DDX10: variants seen among roughly 807,000 people sequenced by gnomAD.
DDX10 encodes DEAD-box helicase 10.
Under a neutral mutation model 104.3 loss-of-function variants are expected in DDX10, and 74 were observed. That is an observed-to-expected ratio of 0.71 (90% confidence interval 0.59 to 0.86). DDX10 has a LOEUF of 0.86. Ranked by LOEUF, DDX10 falls within the 40% of genes least tolerant of loss-of-function variation. The pLI is 0.00. For synonymous variants in DDX10, 351 were observed against 353.4 expected (o/e 0.99, Z 0.08); for missense variants, 952 against 1,040.0 (o/e 0.92, Z 1.16).
intron 13 of DDX10, among the ~76,000 whole-genome samples, chr11:108,814,071 T>A (rs1264581703): frequency 1.3e-5 from 2 of 152,194 alleles, no homozygotes; most frequent in Non-Finnish European, 2.9e-5. Flanking sequence ...GTTTATTTTA[T>A]TCTGGAATTT....
intron 13 of DDX10, among the ~76,000 whole-genome samples, chr11:108,808,801 G>T (rs1862136974): frequency 6.6e-6 from 1 of 152,124 alleles, no homozygotes; most frequent in Non-Finnish European, 1.5e-5. Context: ...AATGTGAAAA[G>T]TGAAAATCTG....
intron 13 of DDX10, among the ~76,000 whole-genome samples, chr11:108,799,365 G>A (rs1261990219): frequency 1.3e-5 from 2 of 152,116 alleles, no homozygotes; most frequent in African/African-American, 4.8e-5. Flanking sequence ...TTTATATTTT[G>A]GCCTTGTCCT....
rs556804230 is a variant in DDX10 at position 108,815,477 on chromosome 11, C to T, written c.1966-22969C>T. ...CTGTATACACAGGTTTTATATCCTG[C>T]AGATTCCGTATGATTTGGTTTGAAA... On this transcript the variant is annotated intron_variant, in intron 13 of 17. Coordinates refer to ENST00000322536, the MANE Select transcript of DDX10 (RefSeq NM_004398.4). Among the ~76,000 whole-genome samples the T allele has an allele frequency of 3.9e-5, 6 of 152,262 alleles. No homozygotes were observed. In the East Asian group the frequency reaches 1.2e-3, roughly 29 times the overall value.
At chr11:108,821,710 G>T (rs981929945) in intron 13 of DDX10, among the ~76,000 whole-genome samples, 1 of 152,040 alleles carries the variant, frequency 6.6e-6, no homozygotes, top group Non-Finnish European at 1.5e-5. Context: ...TTTTATGAAC[G>T]TAAGAAAGCG....
intron 15 of DDX10, among the ~76,000 whole-genome samples, chr11:108,848,906 C>T (rs1397260565): frequency 6.6e-6 from 1 of 152,060 alleles, no homozygotes; most frequent in East Asian, 1.9e-4. Context: ...ATCTCTTTTG[C>T]CCATTATATG....
chr11:108,672,060 CG>C (rs1555012807), intron 1 of DDX10, among the ~76,000 whole-genome samples: 1 of 76,952 alleles, frequency 1.3e-5, no homozygotes, highest in African/African-American at 4.6e-5. Context: ...GACTCCATCT[CG>C]GAAAAAAAAA....
At chr11:108,824,301 G>A (rs529585424) in intron 13 of DDX10, among the ~76,000 whole-genome samples, 32 of 152,246 alleles carry the variant, frequency 2.1e-4, no homozygotes, top group African/African-American at 6.5e-4. Flanking sequence ...CCTTGGCCTC[G>A]CAAAGTGGCA....
At chr11:108,784,613 A>G (rs532465087) in intron 13 of DDX10, among the ~76,000 whole-genome samples, 3 of 152,234 alleles carry the variant, frequency 2.0e-5, no homozygotes, top group Admixed American at 1.3e-4. Flanking sequence ...TGTCAAAATA[A>G]TTGCAAATAT....
chr11:108,773,991 T>A (rs377218269), intron 13 of DDX10, among the ~76,000 whole-genome samples: 2 of 152,170 alleles, frequency 1.3e-5, no homozygotes, highest in South Asian at 2.1e-4. Flanking sequence ...TGTCATAGCT[T>A]CAAGGCTGCA....
intron 6 of DDX10, among the ~76,000 whole-genome samples, chr11:108,684,749 A>T (rs534963471): frequency 1.4e-4 from 21 of 147,540 alleles, no homozygotes; most frequent in South Asian, 4.5e-4. Flanking sequence ...TGGTATTTCT[A>T]GTTCTAGATC....
At chr11:108,675,822 G>A in intron 3 of DDX10, 96 bp downstream of exon 3, 3 of 1,442,618 alleles carry the variant, frequency 2.1e-6, no homozygotes, top group Non-Finnish European at 2.8e-6. Context: ...TTTCATGTTA[G>A]ATTTCATGAT....
chr11:108,822,446 A>C (rs1862338103), intron 13 of DDX10: 1 of 372,912 alleles, frequency 2.7e-6, no homozygotes, highest in South Asian at 2.3e-5. Flanking sequence ...GGAGTCTCCA[A>C]ATAGTGCATC....
At chr11:108,816,342 G>A (rs1263755305) in intron 13 of DDX10, among the ~76,000 whole-genome samples, 1 of 152,044 alleles carries the variant, frequency 6.6e-6, no homozygotes, top group Non-Finnish European at 1.5e-5. Flanking sequence ...CTTTTAACTA[G>A]TTGTTTAATA....
intron 16 of DDX10, among the ~76,000 whole-genome samples, chr11:108,910,626 CT>C (rs1382652692): frequency 1.3e-5 from 2 of 152,118 alleles, no homozygotes; most frequent in Non-Finnish European, 2.9e-5. Context: ...GGTTCTTAAA[CT>C]GTATTTCAGG....
intron 16 of DDX10, among the ~76,000 whole-genome samples, chr11:108,877,980 G>C (rs138301441): frequency 6.8e-4 from 103 of 152,220 alleles, no homozygotes; most frequent in South Asian, 1.9e-3. Context: ...GCTTCTGTTT[G>C]TACCTTAGTG....
chr11:108,718,008 C>T lies in DDX10; in HGVS notation c.1411-1789C>T, dbSNP rs556579273. The stretch of plus-strand genomic sequence containing the variant: ...ACCCTGTCTCTACTAAAAACAATGA[C>T]AAAAAAATTAGCTGGGTGTGGTGGT... On this transcript the variant is annotated intron_variant, in intron 11 of 17. Coordinates refer to ENST00000322536, the MANE Select transcript of DDX10 (RefSeq NM_004398.4). Among the ~76,000 whole-genome samples, 5 of 151,964 alleles carry T rather than the reference C, an allele frequency of 3.3e-5. 1 individual carries two copies. In the South Asian group the frequency reaches 1.0e-3, roughly 32 times the overall value.
intron 16 of DDX10, among the ~76,000 whole-genome samples, chr11:108,875,808 A>G (rs1863146381): frequency 1.3e-5 from 2 of 152,172 alleles, no homozygotes; most frequent in South Asian, 2.1e-4. Flanking sequence ...TTACCGTTGC[A>G]CTAGCAGGAA....
rs186357764 is a variant in DDX10 at position 108,687,636 on chromosome 11, C to G, written c.849-1300C>G. ...CCTTTTAAAATTGGGTGTTTCTGTT[C>G]TTATTGTTGAATTTTAAGAGTTGTT... On this transcript the variant is annotated intron_variant, in intron 6 of 17. Transcript: ENST00000322536. 7.6e-3 allele frequency among the ~76,000 whole-genome samples: 1,153 copies of G among 152,182 alleles called. 5 individuals carry two copies. Among genetic ancestry groups the G allele is most frequent in the Non-Finnish European group, 0.011 (734 of 67,984 alleles).
At chr11:108,745,882 G>A (rs1441351893) in intron 13 of DDX10, among the ~76,000 whole-genome samples, 1 of 152,060 alleles carries the variant, frequency 6.6e-6, no homozygotes, top group African/African-American at 2.4e-5. Context: ...CTTTTAGTGT[G>A]TCTTGTTCCT....
Sources: allele counts gnomAD v4.1 joint callset (sites outside exome capture counted in the v4.1 genomes callset), GRCh38; gene constraint gnomAD v4.1.1; transcripts MANE v1.5; gene names NCBI Gene and HGNC (gene_info 2026-07-23, HGNC 2026-07-21).